CLSTN2: variants seen among roughly 807,000 people sequenced by gnomAD.
The protein encoded by CLSTN2 is calsyntenin-2.
CLSTN2 carries 48 observed loss-of-function variants against 101.2 expected under a neutral mutation model. The observed-to-expected ratio is 0.47, with a 90% confidence interval of 0.38 to 0.60. The LOEUF is 0.60. Among genes scored for constraint, CLSTN2 ranks in the 20% least tolerant of loss-of-function variants. The pLI is 0.00. For missense variants in CLSTN2, 1,160 were observed against 1,238.2 expected, an observed-to-expected ratio of 0.94 and a Z score of 0.95; for synonymous variants, 481 against 463.6, an observed-to-expected ratio of 1.04 and a Z score of -0.48.
intron 2 of CLSTN2, among the ~76,000 whole-genome samples, chr3:140,273,932 A>G (rs983618994): frequency 4.6e-5 from 7 of 152,152 alleles, no homozygotes; most frequent in African/African-American, 1.7e-4. Context: ...ACAAAACAAC[A>G]GGGGATGTTT....
chr3:140,126,435 C>T (rs550358354), intron 1 of CLSTN2, among the ~76,000 whole-genome samples: 1 of 152,096 alleles, frequency 6.6e-6, no homozygotes, highest in Non-Finnish European at 1.5e-5. Context: ...AAGTTAGCCT[C>T]TACTCCTAGA....
chr3:140,547,200 G>A (rs1935611203), intron 10 of CLSTN2, among the ~76,000 whole-genome samples: 1 of 152,208 alleles, frequency 6.6e-6, no homozygotes, highest in South Asian at 2.1e-4. Context: ...TGCGCATGGT[G>A]GCCTGTGGCT....
At chr3:140,328,340 G>A (rs1426803047) in intron 2 of CLSTN2, among the ~76,000 whole-genome samples, 1 of 152,156 alleles carries the variant, frequency 6.6e-6, no homozygotes, top group African/African-American at 2.4e-5. Flanking sequence ...AAAACCCAGG[G>A]CAGACTCACC....
chr3:140,549,395 A>G (rs1257818269), intron 10 of CLSTN2, among the ~76,000 whole-genome samples: 2 of 151,768 alleles, frequency 1.3e-5, no homozygotes, highest in Non-Finnish European at 2.9e-5. Flanking sequence ...TTTTCAGGAT[A>G]CTGAAACTTT....
chr3:139,965,024 T>G lies in CLSTN2; in HGVS notation c.109+29541T>G, dbSNP rs141550004. On this transcript the variant is annotated intron_variant, in intron 1 of 16. Coordinates refer to ENST00000458420, the MANE Select transcript of CLSTN2 (RefSeq NM_022131.3). The stretch of plus-strand genomic sequence containing the variant: ...AGACAATGCCACTACGGTTGATATT[T>G]TATACTTTGGGAGTTTTCTTCAGTG... 5.9e-5 allele frequency among the ~76,000 whole-genome samples: 9 copies of G among 152,310 alleles called. No homozygotes were observed. In the East Asian group the frequency reaches 1.7e-3, roughly 29 times the overall value.
At chr3:140,138,036 G>A (rs1465858024) in intron 1 of CLSTN2, among the ~76,000 whole-genome samples, 5 of 152,170 alleles carry the variant, frequency 3.3e-5, no homozygotes, top group African/African-American at 4.8e-5. Context: ...AACCATAGTG[G>A]TCAGTGCAGC....
chr3:140,523,221 G>A (rs973842488), intron 8 of CLSTN2, among the ~76,000 whole-genome samples: 7 of 152,096 alleles, frequency 4.6e-5, no homozygotes, highest in African/African-American at 1.4e-4. Context: ...CTCGGGCAGT[G>A]GCAGTGTTTA....
intron 11 of CLSTN2, 23 bp from the exon 12 acceptor site, chr3:140,558,617 C>T: frequency 6.3e-7 from 1 of 1,596,994 alleles, no homozygotes; most frequent in East Asian, 2.2e-5. Flanking sequence ...TCATCAGTGC[C>T]ATGACCGAGA....
intron 2 of CLSTN2, among the ~76,000 whole-genome samples, chr3:140,370,940 G>T (rs765583895): frequency 1.3e-4 from 20 of 152,186 alleles, no homozygotes; most frequent in Non-Finnish European, 2.2e-4. Flanking sequence ...CAACAACTTG[G>T]CTGCGAGGGC....
At chr3:140,072,747 A>G (rs533093255) in intron 1 of CLSTN2, among the ~76,000 whole-genome samples, 76 of 150,918 alleles carry the variant, frequency 5.0e-4, no homozygotes, top group African/African-American at 1.8e-3. Context: ...TACTCGGTTT[A>G]TTTGAAGATA....
intron 15 of CLSTN2, among the ~76,000 whole-genome samples, chr3:140,563,430 C>T (rs1258393461): frequency 1.3e-5 from 2 of 152,184 alleles, no homozygotes; most frequent in South Asian, 4.1e-4. Flanking sequence ...GAGGTCAGTA[C>T]AAAGGGCTGG....
intron 8 of CLSTN2, among the ~76,000 whole-genome samples, chr3:140,492,822 G>T (rs1033222017): frequency 6.6e-6 from 1 of 152,134 alleles, no homozygotes; most frequent in African/African-American, 2.4e-5. Context: ...TGCCTGGTTG[G>T]ATGGATGGAT....
rs147586844 is a variant in CLSTN2, at chr3:140,214,324, C to T, written c.232+38251C>T. On this transcript the variant is annotated intron_variant, in intron 2 of 16. Transcript: ENST00000458420. ...GGGTGTGGTGCTGGGTGTGGTGCTG[C>T]GTGCCTGTAGTCCCAGCTACTCGGG... is the stretch of plus-strand genomic sequence containing the variant. 1.9e-3 allele frequency among the ~76,000 whole-genome samples: 290 copies of T among 152,000 alleles called. 1 individual carries two copies. Among genetic ancestry groups the T allele is most frequent in the African/African-American group, 6.7e-3 (278 of 41,446 alleles).
chr3:140,053,974 G>C (rs1283768554), intron 1 of CLSTN2, among the ~76,000 whole-genome samples: 1 of 152,112 alleles, frequency 6.6e-6, no homozygotes, highest in Non-Finnish European at 1.5e-5. Flanking sequence ...TTAGACTCGG[G>C]CCCAATACAA....
intron 2 of CLSTN2, among the ~76,000 whole-genome samples, chr3:140,374,678 G>A (rs538171514): frequency 1.3e-4 from 20 of 152,128 alleles, no homozygotes; most frequent in Admixed American, 5.9e-4. Context: ...AATGCAAGAA[G>A]AAATAGAAAA....
intron 5 of CLSTN2, among the ~76,000 whole-genome samples, chr3:140,446,386 C>T (rs1395457307): frequency 2.0e-5 from 3 of 152,094 alleles, no homozygotes; most frequent in African/African-American, 4.8e-5. Context: ...ATCTCACATC[C>T]GTAATGTGCA....
At chr3:140,001,995 T>C (rs1181495136) in intron 1 of CLSTN2, among the ~76,000 whole-genome samples, 2 of 152,222 alleles carry the variant, frequency 1.3e-5, no homozygotes, top group South Asian at 2.1e-4. Context: ...TGTGCATAAG[T>C]ACCACATTTT....
At chr3:140,501,830 T>C (rs1934583227) in intron 8 of CLSTN2, among the ~76,000 whole-genome samples, 1 of 152,178 alleles carries the variant, frequency 6.6e-6, no homozygotes, top group Admixed American at 6.5e-5. Flanking sequence ...CTGGAGAACT[T>C]GTTAAGATTC....
At chr3:140,387,917 C>T (rs569319545) in intron 2 of CLSTN2, among the ~76,000 whole-genome samples, 5 of 152,300 alleles carry the variant, frequency 3.3e-5, no homozygotes, top group Middle Eastern at 3.4e-3. Context: ...ATAACACTTG[C>T]GATCATTCAT....
Sources: gnomAD v4.1 joint callset for allele counts (sites outside exome capture counted in the v4.1 genomes callset) on GRCh38, gnomAD v4.1.1 for gene constraint, MANE v1.5 for transcripts, NCBI Gene and HGNC (gene_info 2026-07-23, HGNC 2026-07-21) for gene names.